The following RABGAP1L variants were observed in gnomAD, a reference collection of about 807,000 sequenced individuals.
RABGAP1L encodes the protein rab GTPase-activating protein 1-like.
In RABGAP1L, 63 loss-of-function variants were observed where a neutral mutation model predicts 137.7. That is an observed-to-expected ratio of 0.46 (90% confidence interval 0.37 to 0.56). RABGAP1L has a LOEUF of 0.56. Among genes scored for constraint, RABGAP1L ranks in the 20% least tolerant of loss-of-function variants. The pLI is 0.00. For synonymous variants in RABGAP1L, 431 were observed against 433.7 expected (o/e 0.99, Z 0.08); for missense variants, 1,095 against 1,244.0 (o/e 0.88, Z 1.80).
At chr1:174,271,621 T>C (rs1674565858) in intron 7 of RABGAP1L, among the ~76,000 whole-genome samples, 1 of 152,014 alleles carries the variant, frequency 6.6e-6, no homozygotes, top group African/African-American at 2.4e-5. Flanking sequence ...GTAAATTGCT[T>C]AACTTCTCTG....
chr1:174,970,791 C>T (rs1403160979), intron 21 of RABGAP1L, among the ~76,000 whole-genome samples: 1 of 151,656 alleles, frequency 6.6e-6, no homozygotes, highest in East Asian at 1.9e-4. Context: ...TGCAGTGTTA[C>T]TTATAAGAAT....
chr1:174,825,631 C>G (rs1032877403), intron 19 of RABGAP1L, among the ~76,000 whole-genome samples: 1 of 152,220 alleles, frequency 6.6e-6, no homozygotes, highest in African/African-American at 2.4e-5. Context: ...CACCTGTAAT[C>G]CCAGCACTTT....
chr1:174,624,873 C>CTTTT (rs562834068), intron 13 of RABGAP1L, among the ~76,000 whole-genome samples: 1 of 131,168 alleles, frequency 7.6e-6, no homozygotes, highest in African/African-American at 2.8e-5. Context: ...TTTATCTTGC[C>CTTTT]TTTTTTTTTT....
intron 19 of RABGAP1L, among the ~76,000 whole-genome samples, chr1:174,890,296 G>C (rs183461238): frequency 6.6e-6 from 1 of 152,248 alleles, no homozygotes; most frequent in African/African-American, 2.4e-5. Flanking sequence ...GTCACACCTT[G>C]CACCCTGTGA....
intron 13 of RABGAP1L, among the ~76,000 whole-genome samples, chr1:174,586,337 C>T (rs1669110833): frequency 6.9e-6 from 1 of 143,954 alleles, no homozygotes; most frequent in Admixed American, 6.9e-5. Context: ...AGGAGCTGAA[C>T]AATGAGAACA....
chr1:174,301,087 C>A (rs1677659407), intron 10 of RABGAP1L, among the ~76,000 whole-genome samples: 1 of 152,158 alleles, frequency 6.6e-6, no homozygotes, highest in South Asian at 2.1e-4. Flanking sequence ...GATCCCACGG[C>A]CACTGTGACT....
intron 15 of RABGAP1L, among the ~76,000 whole-genome samples, chr1:174,690,878 G>A (rs1268260139): frequency 6.7e-6 from 1 of 148,284 alleles, no homozygotes; most frequent in East Asian, 1.9e-4. Context: ...TATGACCCAG[G>A]CTGGAGTACA....
At chr1:174,211,105 G>A (rs1377978990) in intron 1 of RABGAP1L, among the ~76,000 whole-genome samples, 1 of 152,146 alleles carries the variant, frequency 6.6e-6, no homozygotes, top group Non-Finnish European at 1.5e-5. Flanking sequence ...ACTTCAACCA[G>A]AAAGAAAAGA....
intron 19 of RABGAP1L, among the ~76,000 whole-genome samples, chr1:174,931,184 T>A (rs540447541): frequency 6.6e-6 from 1 of 152,338 alleles, no homozygotes; most frequent in East Asian, 1.9e-4. Context: ...CCAGCAAAAC[T>A]TGATATTTTC....
intron 19 of RABGAP1L, among the ~76,000 whole-genome samples, chr1:174,818,318 G>C (rs1327707694): frequency 6.6e-6 from 1 of 152,198 alleles, no homozygotes; most frequent in African/African-American, 2.4e-5. Flanking sequence ...AAAGGTGTTT[G>C]TTTTCAAGAA....
At chr1:174,586,215 T>A (rs1264448484) in intron 13 of RABGAP1L, among the ~76,000 whole-genome samples, 1 of 152,136 alleles carries the variant, frequency 6.6e-6, no homozygotes, top group African/African-American at 2.4e-5. Flanking sequence ...TGAGATCATG[T>A]CCTTTGCAGG....
At chr1:174,943,713 A>G (rs1666266890) in intron 19 of RABGAP1L, among the ~76,000 whole-genome samples, 1 of 151,810 alleles carries the variant, frequency 6.6e-6, no homozygotes, top group Non-Finnish European at 1.5e-5. Context: ...GGCACCTGTA[A>G]TCCCAGCTGC....
intron 19 of RABGAP1L, among the ~76,000 whole-genome samples, chr1:174,905,395 A>G (rs1356168284): frequency 2.6e-5 from 4 of 152,220 alleles, no homozygotes; most frequent in Non-Finnish European, 5.9e-5. Context: ...TCAGAAATTT[A>G]TCAGAGAAGT....
At chr1:174,642,676 T>C (rs1246633317) in intron 14 of RABGAP1L, among the ~76,000 whole-genome samples, 1 of 141,770 alleles carries the variant, frequency 7.1e-6, no homozygotes, top group Non-Finnish European at 1.5e-5. Flanking sequence ...CCTCCTCTCC[T>C]CTCCTCTCCT....
At chr1:174,799,147 T>C (rs909393477) in intron 18 of RABGAP1L, among the ~76,000 whole-genome samples, 6 of 152,254 alleles carry the variant, frequency 3.9e-5, no homozygotes, top group African/African-American at 1.2e-4. Flanking sequence ...TTTAAATGTA[T>C]ACTCTTAATA....
intron 8 of RABGAP1L, chr1:174,275,110 T>G (rs1189767423): frequency 6.6e-6 from 1 of 152,120 alleles, no homozygotes; most frequent in Non-Finnish European, 1.5e-5. Flanking sequence ...GCTGGCTTTT[T>G]TAGTGAGAGT....
intron 19 of RABGAP1L, among the ~76,000 whole-genome samples, chr1:174,828,525 A>G (rs1171518629): frequency 6.7e-6 from 1 of 148,386 alleles, no homozygotes; most frequent in Non-Finnish European, 1.5e-5. Flanking sequence ...GGACAAGTCT[A>G]GGTTTGAATT....
chr1:174,576,766 A>G (rs1668403302), intron 13 of RABGAP1L, among the ~76,000 whole-genome samples: 1 of 152,208 alleles, frequency 6.6e-6, no homozygotes, highest in African/African-American at 2.4e-5. Flanking sequence ...CCTATGATTC[A>G]CTGACTGTGT....
chr1:174,441,854 G>T lies in RABGAP1L; in HGVS notation c.1710+47709G>T, dbSNP rs534244802. On this transcript the variant is annotated intron_variant, in intron 13 of 25. Transcript: ENST00000681986. ...CTGAAGCTTTTTTTTTTTTTTTAAA[G>T]TTGGTGGAAAGAAAGAGGGAGGCTT... Among the ~76,000 whole-genome samples the T allele has an allele frequency of 2.2e-3, 323 of 147,952 alleles. 2 individuals carry two copies. Among genetic ancestry groups the T allele is most frequent in the South Asian group, 1.9e-3 (9 of 4,656 alleles).
Sources: allele counts gnomAD v4.1 joint callset (sites outside exome capture counted in the v4.1 genomes callset), GRCh38; gene constraint gnomAD v4.1.1; transcripts MANE v1.5; gene names NCBI Gene and HGNC (gene_info 2026-07-23, HGNC 2026-07-21).